PRUNE2: variants seen among roughly 807,000 people sequenced by gnomAD.
PRUNE2 encodes prune homolog 2 with BCH domain.
A neutral mutation model predicts 252.0 loss-of-function variants in PRUNE2; 164 were observed. The ratio of observed to expected loss-of-function variants is 0.65; its 90% confidence interval spans 0.57 to 0.74. The LOEUF (loss-of-function observed/expected upper bound fraction) is 0.74. Ranked by LOEUF, PRUNE2 falls within the 30% of genes least tolerant of loss-of-function variation. The pLI is 0.00. For synonymous variants in PRUNE2, 1,292 were observed against 1,350.2 expected, an observed-to-expected ratio of 0.96 and a Z score of 0.94; for missense variants, 3,495 against 3,711.0, an observed-to-expected ratio of 0.94 and a Z score of 1.51.
intron 1 of PRUNE2, among the ~76,000 whole-genome samples, chr9:76,867,764 G>C (rs1364526913): frequency 6.6e-6 from 1 of 152,018 alleles, no homozygotes; most frequent in Non-Finnish European, 1.5e-5. Context: ...GTAGAGACAG[G>C]GTTTCACCAT....
chr9:76,701,891 C>T (rs1028902638), intron 9 of PRUNE2, among the ~76,000 whole-genome samples: 18 of 152,046 alleles, frequency 1.2e-4, no homozygotes, highest in African/African-American at 3.6e-4. Flanking sequence ...TCTTTCAGCC[C>T]AACTCACTAA....
In PRUNE2 at chr9:76,905,923, C is replaced by T. The variant is rs181273371; in HGVS notation, c.36+5G>A. ...CACACACACAGCTTTGCTCACTCAA[C>T]TTACCAGTTTAGATTTGGCGCGTTG... On this transcript the variant is annotated splice_donor_5th_base_variant and intron_variant, in intron 1 of 18. Transcript: ENST00000376718. 578 of 1,614,216 alleles carry T rather than the reference C, an allele frequency of 3.6e-4. 4 individuals carry two copies. Among genetic ancestry groups the T allele is most frequent in the East Asian group, 5.8e-4 (26 of 44,874 alleles).
chr9:76,750,719 T>C (rs192100398), intron 6 of PRUNE2, among the ~76,000 whole-genome samples: 4 of 152,264 alleles, frequency 2.6e-5, no homozygotes, highest in African/African-American at 7.2e-5. Context: ...GCAGTCGCAG[T>C]GGGAGCAGAG....
intron 6 of PRUNE2, among the ~76,000 whole-genome samples, chr9:76,731,326 T>TATATATATA (rs1282077047): frequency 5.0e-5 from 5 of 100,936 alleles, no homozygotes; most frequent in East Asian, 2.5e-4. Flanking sequence ...ATATATATAT[T>TATATATATA]TTTTTTTTTT....
chr9:76,646,362 T>C (rs933479679), intron 11 of PRUNE2, among the ~76,000 whole-genome samples: 3 of 152,362 alleles, frequency 2.0e-5, no homozygotes, highest in African/African-American at 7.2e-5. Flanking sequence ...TATTCAGAAG[T>C]GTCTAATTAC....
chr9:76,805,363 G>T (rs188399314), intron 6 of PRUNE2, among the ~76,000 whole-genome samples: 1 of 152,174 alleles, frequency 6.6e-6, no homozygotes, highest in Admixed American at 6.5e-5. Context: ...GCTCACACTC[G>T]TAATCCCAGC....
At chr9:76,656,160 T>A (rs1469978714) in intron 9 of PRUNE2, among the ~76,000 whole-genome samples, 2 of 152,180 alleles carry the variant, frequency 1.3e-5, no homozygotes, top group Non-Finnish European at 2.9e-5. Flanking sequence ...CCCACAACCA[T>A]CTGTATTAGC....
intron 5 of PRUNE2, among the ~76,000 whole-genome samples, chr9:76,826,096 T>C (rs771035406): frequency 4.6e-5 from 7 of 152,136 alleles, no homozygotes; most frequent in Non-Finnish European, 1.0e-4. Flanking sequence ...CAGTACAAGC[T>C]GTCTATTTGC....
At chr9:76,702,183 C>T (rs2045938909) in intron 9 of PRUNE2, among the ~76,000 whole-genome samples, 2 of 151,954 alleles carry the variant, frequency 1.3e-5, no homozygotes, top group African/African-American at 4.8e-5. Context: ...TCTCAGCCTC[C>T]CAAGTAGCTG....
chr9:76,891,522 C>T (rs1368610161), intron 1 of PRUNE2, among the ~76,000 whole-genome samples: 1 of 152,180 alleles, frequency 6.6e-6, no homozygotes, highest in Non-Finnish European at 1.5e-5. Context: ...CTCACAGTTG[C>T]ATACTGTACA....
At chr9:76,654,039 T>C (rs902951508) in intron 10 of PRUNE2, among the ~76,000 whole-genome samples, 3 of 152,176 alleles carry the variant, frequency 2.0e-5, no homozygotes, top group African/African-American at 4.8e-5. Context: ...ACCCTTGTCA[T>C]TTCCTAAGGT....
intron 18 of PRUNE2, among the ~76,000 whole-genome samples, chr9:76,618,375 G>C (rs1487721201): frequency 6.6e-6 from 1 of 152,190 alleles, no homozygotes; most frequent in Non-Finnish European, 1.5e-5. Context: ...ATAGAGATGA[G>C]ACACATTTAA....
rs1343482589 is a variant in PRUNE2, at chr9:76,613,303, T to C, written c.*1267A>G. Reference sequence around the variant, plus strand: ...GGTCAGCAAACTTTTTCTGTAAACATAGTCAATGTTTTAGGCATTGTGGGA... The same window carrying C: ...GGTCAGCAAACTTTTTCTGTAAACACAGTCAATGTTTTAGGCATTGTGGGA... On this transcript the variant is annotated 3_prime_UTR_variant, in exon 19 of 19. Coordinates refer to ENST00000376718, the MANE Select transcript of PRUNE2 (RefSeq NM_015225.3). 2.6e-5 allele frequency: 4 copies of C among 152,218 alleles called. No individual in the cohort carries two copies. Among genetic ancestry groups the C allele is most frequent in the African/African-American group, 7.2e-5 (3 of 41,460 alleles). 9.4% of individuals were successfully genotyped at this position (152,218 alleles called of 1,614,324 possible). A position where few individuals can be genotyped will look rare whatever the true frequency, so the allele number is the denominator to read the frequency against.
rs943946457 is a variant in PRUNE2, at chr9:76,692,094, C to T, written c.8276+11243G>A. ...CCTACCTTCTGAGGATGAGAGGAGG[C>T]TTTCTAACGGAGGGTGAGAAGGATG... On this transcript the variant is annotated intron_variant, in intron 9 of 18. Transcript: ENST00000376718. 8.4e-6 allele frequency: 6 copies of T among 717,512 alleles called. No homozygotes were observed. In the Admixed American group the frequency reaches 1.2e-4, roughly 14 times the overall value. The allele number at this position is 717,512 out of a possible 1,614,324, so 44.4% of individuals were successfully genotyped here.
chr9:76,632,387 G>A (rs1838049901), intron 15 of PRUNE2, among the ~76,000 whole-genome samples: 1 of 152,148 alleles, frequency 6.6e-6, no homozygotes, highest in Non-Finnish European at 1.5e-5. Flanking sequence ...CTTTAAAGAG[G>A]CTCCTACATG....
At chr9:76,655,752 C>T (rs1447809505) in intron 9 of PRUNE2, among the ~76,000 whole-genome samples, 2 of 152,226 alleles carry the variant, frequency 1.3e-5, no homozygotes, top group East Asian at 1.9e-4. Flanking sequence ...TAAACACACA[C>T]CAAGTGGGAA....
At chr9:76,903,679 C>T (rs527820752) in intron 1 of PRUNE2, among the ~76,000 whole-genome samples, 1 of 152,260 alleles carries the variant, frequency 6.6e-6, no homozygotes, top group South Asian at 2.1e-4. Flanking sequence ...CCTCCGCCTC[C>T]GAGGTTCAAG....
intron 4 of PRUNE2, among the ~76,000 whole-genome samples, chr9:76,841,858 G>C (rs962091012): frequency 6.6e-6 from 1 of 152,146 alleles, no homozygotes; most frequent in Non-Finnish European, 1.5e-5. Flanking sequence ...GGAAGGGGCG[G>C]CTGTGGGAGC....
chr9:76,871,811 T>C (rs2061216765), intron 1 of PRUNE2, among the ~76,000 whole-genome samples: 1 of 152,102 alleles, frequency 6.6e-6, no homozygotes, highest in African/African-American at 2.4e-5. Context: ...GTATTTTTAG[T>C]AGAGATGGGG....
Sources: allele counts gnomAD v4.1 joint callset (sites outside exome capture counted in the v4.1 genomes callset), GRCh38; gene constraint gnomAD v4.1.1; transcripts MANE v1.5; gene names NCBI Gene and HGNC (gene_info 2026-07-23, HGNC 2026-07-21).